THADA: variants seen among roughly 807,000 people sequenced by gnomAD.
The protein encoded by THADA is tRNA (32-2'-O)-methyltransferase regulator THADA.
In THADA, 213 loss-of-function variants were observed where a neutral mutation model predicts 219.8. That is an observed-to-expected ratio of 0.97 (90% CI 0.87 to 1.09). THADA has a LOEUF of 1.09. Among genes scored for constraint, THADA ranks in the 50% least tolerant of loss-of-function variants. The pLI, the probability that THADA is intolerant of heterozygous loss-of-function variation, is 0.00. For missense variants in THADA, 2,956 were observed against 2,311.3 expected, an observed-to-expected ratio of 1.28 and a Z score of -5.72; for synonymous variants, 1,018 against 828.9, an observed-to-expected ratio of 1.23 and a Z score of -3.92.
At chr2:43,446,297 C>T (rs1350706632) in intron 26 of THADA, among the ~76,000 whole-genome samples, 1 of 152,210 alleles carries the variant, frequency 6.6e-6, no homozygotes, top group Non-Finnish European at 1.5e-5. Flanking sequence ...CTCCTTCCTT[C>T]GAAGAAGTGG....
intron 31 of THADA, among the ~76,000 whole-genome samples, chr2:43,305,206 C>A (rs1005302154): frequency 5.3e-5 from 8 of 151,196 alleles, no homozygotes; most frequent in African/African-American, 1.7e-4. Flanking sequence ...ACCATAGGAA[C>A]AACAACAACA....
At chr2:43,371,784 C>T (rs1228907087) in intron 29 of THADA, among the ~76,000 whole-genome samples, 1 of 152,154 alleles carries the variant, frequency 6.6e-6, no homozygotes, top group Non-Finnish European at 1.5e-5. Context: ...GCCAAACCTC[C>T]ACACGCAATT....
chr2:43,247,109 C>T (rs1669235217), intron 36 of THADA, among the ~76,000 whole-genome samples: 1 of 152,144 alleles, frequency 6.6e-6, no homozygotes, highest in Non-Finnish European at 1.5e-5. Context: ...GGGTCCACTG[C>T]CCAGAAAACT....
intron 26 of THADA, among the ~76,000 whole-genome samples, chr2:43,431,646 T>TATTGGAGACGGGG (rs1558750542): frequency 0.023 from 785 of 34,604 alleles, 75 homozygotes; most frequent in African/African-American, 0.059. Context: ...TTTGTACTTT[T>TATTGGAGACGGGG]TTTTTTTTTT....
intron 26 of THADA, among the ~76,000 whole-genome samples, chr2:43,472,525 G>C (rs1685021985): frequency 6.6e-6 from 1 of 152,208 alleles, no homozygotes; most frequent in Non-Finnish European, 1.5e-5. Flanking sequence ...CTTAATTAAA[G>C]CATGAAAGAG....
At position 43,571,694 on chromosome 2, in the gene THADA, T is replaced by C. The variant is rs1166406751; in HGVS notation, c.2064+13A>G. The C allele has an allele frequency of 6.2e-7, 1 of 1,602,304 alleles. No individual in the cohort carries two copies. The stretch of plus-strand genomic sequence containing the variant: ...TTCACCACTTCCCTATGCCTTCTGA[T>C]GGGAAATTCTACCTTTTTAAGAAGA... On this transcript the variant is annotated intron_variant, in intron 13 of 37. Coordinates refer to ENST00000405975, the MANE Select transcript of THADA (RefSeq NM_022065.5).
chr2:43,499,050 T>C, intron 24 of THADA, 95 bp from the exon 25 acceptor site: 1 of 1,281,982 alleles, frequency 7.8e-7, no homozygotes, highest in Non-Finnish European at 1.0e-6. Flanking sequence ...AACAAAAAAT[T>C]TACTGAATTA....
At chr2:43,271,309 A>T (rs1672092004) in intron 36 of THADA, among the ~76,000 whole-genome samples, 1 of 151,576 alleles carries the variant, frequency 6.6e-6, no homozygotes, top group Non-Finnish European at 1.5e-5. Flanking sequence ...GTTCCTCATC[A>T]GCTGTTTGAA....
At chr2:43,565,033 G>A (rs987788917) in intron 15 of THADA, 6 of 152,226 alleles carry the variant, frequency 3.9e-5, no homozygotes, top group African/African-American at 7.2e-5. Flanking sequence ...TATGGATTGC[G>A]TATTCAATTA....
chr2:43,289,976 GTTT>G (rs59073038), intron 34 of THADA, among the ~76,000 whole-genome samples: 7 of 91,988 alleles, frequency 7.6e-5, no homozygotes, highest in Non-Finnish European at 8.5e-5. Flanking sequence ...TTTTGTTTTT[GTTT>G]TTTTTTTTTT....
chr2:43,340,423 C>A (rs1230955573), intron 30 of THADA, among the ~76,000 whole-genome samples: 3 of 152,202 alleles, frequency 2.0e-5, no homozygotes, highest in African/African-American at 7.2e-5. Flanking sequence ...TATGTTCCCT[C>A]AATTTCAGAG....
chr2:43,392,603 T>C (rs1231622680), intron 29 of THADA, among the ~76,000 whole-genome samples: 1 of 152,148 alleles, frequency 6.6e-6, no homozygotes, highest in Non-Finnish European at 1.5e-5. Flanking sequence ...TCGGTCTTCA[T>C]GTGTCCCATC....
At chr2:43,362,700 C>A (rs944238403) in intron 29 of THADA, among the ~76,000 whole-genome samples, 2 of 152,090 alleles carry the variant, frequency 1.3e-5, no homozygotes, top group African/African-American at 4.8e-5. Context: ...TAAAAATTTT[C>A]TTCAATAATA....
intron 25 of THADA, among the ~76,000 whole-genome samples, chr2:43,498,100 C>G (rs1279516702): frequency 1.3e-5 from 2 of 152,078 alleles, no homozygotes; most frequent in African/African-American, 4.8e-5. Context: ...TGGATCAACC[C>G]TTCATATACT....
intron 30 of THADA, among the ~76,000 whole-genome samples, chr2:43,324,071 C>A (rs1679051815): frequency 1.3e-5 from 2 of 152,134 alleles, no homozygotes; most frequent in Non-Finnish European, 1.5e-5. Context: ...TAGCTTCTTG[C>A]CCCAAATGTT....
intron 26 of THADA, among the ~76,000 whole-genome samples, chr2:43,467,689 G>A (rs1288438583): frequency 6.6e-6 from 1 of 152,134 alleles, no homozygotes; most frequent in Non-Finnish European, 1.5e-5. Flanking sequence ...GAGGCTCACA[G>A]TATAAACTGG....
At chr2:43,466,398 GC>G (rs1457738833) in intron 26 of THADA, among the ~76,000 whole-genome samples, 1 of 151,926 alleles carries the variant, frequency 6.6e-6, no homozygotes, top group African/African-American at 2.4e-5. Flanking sequence ...TCAAGCTCAG[GC>G]CCTGACTCTT....
chr2:43,493,340 C>T (rs1200841764), intron 25 of THADA, among the ~76,000 whole-genome samples: 3 of 152,102 alleles, frequency 2.0e-5, no homozygotes, highest in South Asian at 2.1e-4. Context: ...ACTAAAAATA[C>T]AAGAATTAGC....
intron 26 of THADA, among the ~76,000 whole-genome samples, chr2:43,448,741 G>A (rs1054434063): frequency 6.6e-6 from 1 of 151,878 alleles, no homozygotes; most frequent in Non-Finnish European, 1.5e-5. Context: ...AAAAACTTAA[G>A]CTTACACATC....
Sources: allele counts gnomAD v4.1 joint callset (sites outside exome capture counted in the v4.1 genomes callset), GRCh38; gene constraint gnomAD v4.1.1; transcripts MANE v1.5; gene names NCBI Gene and HGNC (gene_info 2026-07-23, HGNC 2026-07-21).